ADAMTS3: variants seen among roughly 807,000 people sequenced by gnomAD.
The protein encoded by ADAMTS3 is A disintegrin and metalloproteinase with thrombospondin motifs 3.
In ADAMTS3, 73 loss-of-function variants were observed where a neutral mutation model predicts 129.0. The ratio of observed to expected loss-of-function variants is 0.57; its 90% CI spans 0.47 to 0.69. The LOEUF (loss-of-function observed/expected upper bound fraction) is 0.69. ADAMTS3 is among the 30% of genes least tolerant of loss of function. The probability of loss-of-function intolerance (pLI) is 0.00; values close to 1 mark genes in which losing one functional copy is unlikely to be tolerated. For missense variants in ADAMTS3, 1,457 were observed against 1,514.5 expected (o/e 0.96, Z 0.63); for synonymous variants, 477 against 510.8 (o/e 0.93, Z 0.89).
At chr4:72,309,359 AGAG>A in intron 15 of ADAMTS3, 35 bp downstream of exon 15, 1 of 1,602,464 alleles carries the variant, frequency 6.2e-7, no homozygotes, top group Non-Finnish European at 8.5e-7. Flanking sequence ...TACAAATCAC[AGAG>A]AAGAATACTA....
chr4:72,419,680 ATTC>A (rs1722395842), intron 3 of ADAMTS3, among the ~76,000 whole-genome samples: 1 of 152,254 alleles, frequency 6.6e-6, no homozygotes, highest in African/African-American at 2.4e-5. Context: ...GCCCCAGACA[ATTC>A]TTCTTCCAAT....
At chr4:72,315,107 A>G (rs1719356820) in intron 11 of ADAMTS3, among the ~76,000 whole-genome samples, 1 of 152,176 alleles carries the variant, frequency 6.6e-6, no homozygotes, top group African/African-American at 2.4e-5. Context: ...TCTTCTGTAT[A>G]AGTTCACATG....
intron 2 of ADAMTS3, among the ~76,000 whole-genome samples, chr4:72,565,386 T>C (rs957129752): frequency 6.6e-6 from 1 of 152,166 alleles, no homozygotes; most frequent in Admixed American, 6.5e-5. Context: ...AAATAACGTG[T>C]TCAGGAGTGC....
chr4:72,470,997 T>A (rs1219576957), intron 3 of ADAMTS3, among the ~76,000 whole-genome samples: 2 of 152,168 alleles, frequency 1.3e-5, no homozygotes, highest in African/African-American at 2.4e-5. Flanking sequence ...AAAGATCACT[T>A]GCACAAATGT....
At chr4:72,451,235 A>T (rs890085609) in intron 3 of ADAMTS3, among the ~76,000 whole-genome samples, 5 of 151,740 alleles carry the variant, frequency 3.3e-5, no homozygotes, top group Non-Finnish European at 7.4e-5. Context: ...TGAATCTTAG[A>T]TTCCTGAAGG....
chr4:72,295,985 C>T (rs564224449), intron 18 of ADAMTS3, among the ~76,000 whole-genome samples, 199 bp from the exon 19 acceptor site: 11 of 152,092 alleles, frequency 7.2e-5, no homozygotes, highest in Non-Finnish European at 1.3e-4. Flanking sequence ...TCAGAGAATA[C>T]GTTTGATAAA....
At chr4:72,472,915 T>C (rs1299626605) in intron 3 of ADAMTS3, among the ~76,000 whole-genome samples, 2 of 152,216 alleles carry the variant, frequency 1.3e-5, no homozygotes, top group Admixed American at 1.3e-4. Flanking sequence ...TTGATGACCA[T>C]GAGTATGAGT....
chr4:72,516,647 T>A (rs1297170737), intron 3 of ADAMTS3, among the ~76,000 whole-genome samples: 1 of 152,154 alleles, frequency 6.6e-6, no homozygotes, highest in Non-Finnish European at 1.5e-5. Context: ...AGTCCGTTAT[T>A]GGTGTATAAG....
chr4:72,417,930 C>G (rs1408146287), intron 3 of ADAMTS3, among the ~76,000 whole-genome samples: 2 of 17,878 alleles, frequency 1.1e-4, no homozygotes, highest in Non-Finnish European at 3.3e-4. Flanking sequence ...GAGACTCCAT[C>G]TCAAAAAAAA....
At chr4:72,310,985 G>A in intron 14 of ADAMTS3, 63 bp downstream of exon 14, 1 of 1,411,056 alleles carries the variant, frequency 7.1e-7, no homozygotes. Flanking sequence ...TTAAAAATGT[G>A]CAGATGAATG....
intron 3 of ADAMTS3, among the ~76,000 whole-genome samples, chr4:72,541,652 T>C (rs1721327335): frequency 1.3e-5 from 2 of 152,152 alleles, no homozygotes; most frequent in African/African-American, 4.8e-5. Context: ...GGGTGCGTTT[T>C]TCCCATGCTG....
intron 4 of ADAMTS3, among the ~76,000 whole-genome samples, chr4:72,340,634 A>G (rs1235899550): frequency 6.6e-6 from 1 of 152,074 alleles, no homozygotes; most frequent in Non-Finnish European, 1.5e-5. Flanking sequence ...TTACTTTCCA[A>G]ATGAACATTT....
intron 4 of ADAMTS3, among the ~76,000 whole-genome samples, chr4:72,386,310 ATG>A (rs1020365084): frequency 6.6e-5 from 10 of 152,152 alleles, no homozygotes; most frequent in African/African-American, 2.4e-4. Context: ...TATTCACGAC[ATG>A]TGTTTATATA....
rs140555414 is a variant in ADAMTS3 at position 72,290,866 on chromosome 4, G to T, written c.2920C>A (p.Pro974Thr). ...ATTCACACACCTACCTCACTCCAGG[G>T]TCCTGTTTTCCACTGTGCAGGGCAG... ...VPCPAQWKTG[P>T]WSECSVTCGE... The change falls in exon 20 of 22, where the codon CCC becomes ACC. Residue 974 changes from proline (P) to threonine (T), a missense_variant. Coordinates refer to ENST00000286657, the MANE Select transcript of ADAMTS3 (RefSeq NM_014243.3). 60 of 1,613,686 alleles carry T rather than the reference G, an allele frequency of 3.7e-5. No individual in the cohort carries two copies. The highest frequency in any genetic ancestry group is 4.9e-5 in the Non-Finnish European group (58 of 1,179,872).
At chr4:72,412,196 T>C (rs771561947) in intron 4 of ADAMTS3, among the ~76,000 whole-genome samples, 8 of 152,052 alleles carry the variant, frequency 5.3e-5, no homozygotes, top group African/African-American at 9.7e-5. Flanking sequence ...CTCAAACACA[T>C]TTCATTCCAT....
Position 72,315,964 on chromosome 4 carries a change from G to A in ADAMTS3, c.1493C>T (p.Thr498Ile), listed in dbSNP as rs778459099. Residue 498 changes from threonine to isoleucine, a missense_variant, in exon 11 of 22, where the codon ACC becomes ATC. By Grantham distance (89) the Thr-to-Ile change is moderately conservative. Transcript: ENST00000286657. ...CCACAGCTGTTTACATGGGTCAAAGGTTCGGAACTGGAAGATAGATAATCA... is the reference window on the plus strand; with the variant it reads ...CCACAGCTGTTTACATGGGTCAAAGATTCGGAACTGGAAGATAGATAATCA... ...VGYKMCTAFR[T>I]FDPCKQLWCS... 6.2e-7 allele frequency: 1 copy of A among 1,601,360 alleles called. No individual in the cohort carries two copies. The highest frequency in any genetic ancestry group is 8.5e-7 in the Non-Finnish European group (1 of 1,172,704).
chr4:72,447,451 A>T (rs1261159454), intron 3 of ADAMTS3, among the ~76,000 whole-genome samples: 1 of 151,816 alleles, frequency 6.6e-6, no homozygotes, highest in Non-Finnish European at 1.5e-5. Context: ...CTCTCTGAAC[A>T]GAATGTCAGT....
At chr4:72,313,560 A>C in intron 12 of ADAMTS3, 117 bp downstream of exon 12, 1 of 1,112,994 alleles carries the variant, frequency 9.0e-7, no homozygotes, top group Non-Finnish European at 1.3e-6. Flanking sequence ...ACTGTGAACA[A>C]TTTATTTTCC....
intron 4 of ADAMTS3, among the ~76,000 whole-genome samples, chr4:72,367,890 G>A (rs1314780187): frequency 2.0e-5 from 3 of 150,440 alleles, no homozygotes; most frequent in Non-Finnish European, 4.4e-5. Context: ...GGAGTCTAAC[G>A]TTGCAATTGT....
Sources: allele counts gnomAD v4.1 joint callset (sites outside exome capture counted in the v4.1 genomes callset), GRCh38; gene constraint gnomAD v4.1.1; transcripts MANE v1.5; gene names NCBI Gene and HGNC (gene_info 2026-07-23, HGNC 2026-07-21).